The following FOXN3 variants were observed in gnomAD, a reference collection of about 807,000 sequenced individuals.
FOXN3 encodes the protein forkhead box protein N3.
A neutral mutation model predicts 38.4 loss-of-function variants in FOXN3; 7 were observed. That is an observed-to-expected ratio of 0.18 (90% CI 0.10 to 0.34). FOXN3 has a LOEUF of 0.34. FOXN3 is among the 10% of genes least tolerant of loss of function. The probability of loss-of-function intolerance (pLI) is 1.00; values close to 1 mark genes in which losing one functional copy is unlikely to be tolerated. For synonymous variants in FOXN3, 230 were observed against 242.2 expected, an observed-to-expected ratio of 0.95 and a Z score of 0.47; for missense variants, 456 against 613.4, an observed-to-expected ratio of 0.74 and a Z score of 2.71.
At chr14:89,259,108 A>G (rs1469118038) in intron 4 of FOXN3, among the ~76,000 whole-genome samples, 1 of 152,252 alleles carries the variant, frequency 6.6e-6, no homozygotes, top group Non-Finnish European at 1.5e-5. Context: ...CCAGTCACTC[A>G]GAGACAAGAA....
At chr14:89,374,951 T>C (rs1270869827) in intron 2 of FOXN3, among the ~76,000 whole-genome samples, 4 of 148,504 alleles carry the variant, frequency 2.7e-5, no homozygotes, top group Non-Finnish European at 5.9e-5. Context: ...CACTCCAGCC[T>C]GAGTGACAGA....
At chr14:89,416,728 C>T (rs941267496) in intron 1 of FOXN3, 143 bp downstream of exon 1, 1 of 152,358 alleles carries the variant, frequency 6.6e-6, no homozygotes, top group Non-Finnish European at 1.5e-5. Context: ...GGGGTCCACA[C>T]CCGACCCTCC....
At chr14:89,414,274 G>A (rs1457170603) in intron 1 of FOXN3, among the ~76,000 whole-genome samples, 1 of 149,440 alleles carries the variant, frequency 6.7e-6, no homozygotes, top group Non-Finnish European at 1.5e-5. Flanking sequence ...TCCAGCCTGG[G>A]CAACAGAGGG....
At chr14:89,438,968 G>A (rs1048542180) in intron 1 of FOXN3, among the ~76,000 whole-genome samples, 3 of 151,900 alleles carry the variant, frequency 2.0e-5, no homozygotes, top group Non-Finnish European at 4.4e-5. Context: ...CATGTTGGTC[G>A]GCTGGTTTCG....
At chr14:89,359,449 A>C (rs1889368806) in intron 2 of FOXN3, among the ~76,000 whole-genome samples, 1 of 152,240 alleles carries the variant, frequency 6.6e-6, no homozygotes, top group African/African-American at 2.4e-5. Context: ...TGCAGATTTC[A>C]TCTAAAAAAA....
chr14:89,568,402 C>T (rs1895411348), intron 1 of FOXN3, among the ~76,000 whole-genome samples: 1 of 152,142 alleles, frequency 6.6e-6, no homozygotes, highest in South Asian at 2.1e-4. Context: ...ACCTAACCTC[C>T]TCCCTGCCCC....
intron 1 of FOXN3, among the ~76,000 whole-genome samples, chr14:89,613,851 TCTA>T (rs1386918152): frequency 3.9e-5 from 6 of 152,270 alleles, no homozygotes; most frequent in African/African-American, 1.4e-4. Context: ...GCAGCACAGT[TCTA>T]CTGCGGTTTG....
Position 89,156,590 on chromosome 14 carries a change from C to G in FOXN3, c.*5824G>C, listed in dbSNP as rs1886985382. 6.6e-6 allele frequency: 1 copy of G among 151,278 alleles called. No homozygotes were observed. The highest frequency in any genetic ancestry group is 2.1e-4 in the South Asian group (1 of 4,794). 9.4% of individuals were successfully genotyped at this position (151,278 alleles called of 1,614,324 possible). ...ATTGGCCAGCCAAGGTCAGACGACC[C>G]TAAGCATCAATAGTAAACCTCTTGG... On this transcript the variant is annotated 3_prime_UTR_variant, in exon 6 of 6. Transcript: ENST00000557258.
intron 1 of FOXN3, among the ~76,000 whole-genome samples, chr14:89,502,105 T>A (rs940998468): frequency 2.6e-5 from 4 of 152,076 alleles, no homozygotes; most frequent in African/African-American, 9.7e-5. Context: ...GAGGCAGAGG[T>A]TGCAGTGAGC....
upstream of FOXN3, among the ~76,000 whole-genome samples, chr14:89,421,871 T>C (rs1254291821): frequency 5.3e-5 from 8 of 151,640 alleles, no homozygotes; most frequent in Non-Finnish European, 1.0e-4. Flanking sequence ...CCATTACATA[T>C]ATACATACAT....
intron 1 of FOXN3, among the ~76,000 whole-genome samples, chr14:89,519,374 A>T (rs955386033): frequency 6.6e-6 from 1 of 152,096 alleles, no homozygotes; most frequent in Admixed American, 6.5e-5. Context: ...GAAAACCATG[A>T]AAAAAAGGGT....
Position 89,517,347 on chromosome 14 carries a change from C to G in FOXN3, c.-15+101681G>C, listed in dbSNP as rs374913293. On this transcript the variant is annotated intron_variant, in intron 1 of 6. Coordinates refer to the FOXN3 transcript ENST00000345097. ...TCCAGCCTGGGCGACAGAAAGAGACCCTGTCTTAAAAAAAAAAAAAAAAAA... is the reference window on the plus strand; with the variant it reads ...TCCAGCCTGGGCGACAGAAAGAGACGCTGTCTTAAAAAAAAAAAAAAAAAA... 4.7e-3 allele frequency among the ~76,000 whole-genome samples: 653 copies of G among 140,158 alleles called. 10 individuals carry two copies. Among genetic ancestry groups the G allele is most frequent in the African/African-American group, 0.017 (622 of 35,690 alleles). The allele number at this position is 140,158 out of a possible 152,430, so 91.9% of individuals were successfully genotyped here.
At chr14:89,272,443 T>C (rs1395144070) in intron 4 of FOXN3, among the ~76,000 whole-genome samples, 2 of 152,360 alleles carry the variant, frequency 1.3e-5, no homozygotes, top group East Asian at 3.9e-4. Flanking sequence ...ATGTGGATGG[T>C]AAAATTAGGA....
intron 1 of FOXN3, among the ~76,000 whole-genome samples, chr14:89,610,167 G>A (rs1171882949): frequency 2.0e-5 from 3 of 151,736 alleles, no homozygotes; most frequent in Non-Finnish European, 4.4e-5. Context: ...GGAAAGAGTG[G>A]TAGCAGAACC....
intron 1 of FOXN3, among the ~76,000 whole-genome samples, chr14:89,522,024 A>AG (rs994303513): frequency 5.3e-5 from 8 of 152,038 alleles, no homozygotes; most frequent in African/African-American, 1.4e-4. Context: ...TGTCTCAAAA[A>AG]AAAAGAAAAA....
chr14:89,334,381 A>T lies in FOXN3; in HGVS notation c.680+16291T>A, dbSNP rs548540229. Among the ~76,000 whole-genome samples the T allele has an allele frequency of 2.0e-3, 309 of 152,200 alleles. 3 individuals carry two copies. The highest frequency in any genetic ancestry group is 7.2e-3 in the African/African-American group (297 of 41,524). On this transcript the variant is annotated intron_variant, in intron 3 of 5. Transcript: ENST00000557258. ...TCCCAGCACTTTGGGAGGATGAGGC[A>T]GGTGGATCACCTGAGGTCAGGAGTT... is the stretch of plus-strand genomic sequence containing the variant.
chr14:89,536,732 C>A (rs1364650413), intron 1 of FOXN3, among the ~76,000 whole-genome samples: 1 of 151,814 alleles, frequency 6.6e-6, no homozygotes, highest in Non-Finnish European at 1.5e-5. Flanking sequence ...GAGCCGAGAT[C>A]GGGCCTCTGC....
chr14:89,583,785 C>T (rs1895791515), intron 1 of FOXN3, among the ~76,000 whole-genome samples: 1 of 151,806 alleles, frequency 6.6e-6, no homozygotes, highest in Non-Finnish European at 1.5e-5. Flanking sequence ...GTCTTAAACT[C>T]CTGGCCTCAA....
intron 4 of FOXN3, among the ~76,000 whole-genome samples, chr14:89,258,927 G>A (rs894404646): frequency 1.3e-5 from 2 of 152,144 alleles, no homozygotes; most frequent in East Asian, 1.9e-4. Flanking sequence ...TCACATGCTC[G>A]GTTATCCCCT....
Sources: allele counts gnomAD v4.1 joint callset (sites outside exome capture counted in the v4.1 genomes callset), GRCh38; gene constraint gnomAD v4.1.1; transcripts MANE v1.5; gene names NCBI Gene and HGNC (gene_info 2026-07-23, HGNC 2026-07-21).